ADCY9: variants seen among roughly 807,000 people sequenced by gnomAD.
ADCY9 encodes adenylate cyclase 9.
In ADCY9, 50 loss-of-function variants were observed where a neutral mutation model predicts 101.5. The ratio of observed to expected loss-of-function variants is 0.49; its 90% CI spans 0.39 to 0.62. The LOEUF (loss-of-function observed/expected upper bound fraction) is 0.62, where lower values mean the gene tolerates loss of function less well. Ranked by LOEUF, ADCY9 falls within the 20% of genes least tolerant of loss-of-function variation. The probability of loss-of-function intolerance (pLI) is 0.00; values close to 1 mark genes in which losing one functional copy is unlikely to be tolerated. For missense variants in ADCY9, 1,662 were observed against 1,800.4 expected, an observed-to-expected ratio of 0.92 and a Z score of 1.39; for synonymous variants, 905 against 769.3, an observed-to-expected ratio of 1.18 and a Z score of -2.92.
intron 2 of ADCY9, among the ~76,000 whole-genome samples, chr16:4,105,843 C>G (rs1328039810): frequency 6.6e-6 from 1 of 152,056 alleles, no homozygotes; most frequent in Non-Finnish European, 1.5e-5. Flanking sequence ...AAGACCCTGT[C>G]TCAAAAAGAA....
intron 7 of ADCY9, among the ~76,000 whole-genome samples, chr16:3,980,574 G>A (rs1044537025): frequency 8.5e-5 from 13 of 152,180 alleles, no homozygotes; most frequent in African/African-American, 2.9e-4. Flanking sequence ...CCAGCCTTCG[G>A]GCCTGAACAC....
At chr16:4,029,564 T>A (rs780190561) in intron 2 of ADCY9, among the ~76,000 whole-genome samples, 3 of 152,138 alleles carry the variant, frequency 2.0e-5, no homozygotes, top group South Asian at 2.1e-4. Context: ...CTGGCCAACA[T>A]GGTGAAACCC....
intron 7 of ADCY9, 111 bp from the exon 8 acceptor site, chr16:3,979,386 C>T (rs1252847595): frequency 3.8e-6 from 5 of 1,317,306 alleles, no homozygotes; most frequent in African/African-American, 2.9e-5. Context: ...TCCCGTGTTG[C>T]CCCTGGGATG....
intron 7 of ADCY9, 45 bp downstream of exon 7, chr16:3,983,187 G>A (rs552296826): frequency 1.3e-6 from 2 of 1,498,506 alleles, no homozygotes; most frequent in Admixed American, 2.0e-5. Context: ...CCAGAAGAGG[G>A]AGCTAACGGC....
chr16:3,971,400 G>A (rs1235688709), intron 10 of ADCY9, among the ~76,000 whole-genome samples: 1 of 152,126 alleles, frequency 6.6e-6, no homozygotes, highest in African/African-American at 2.4e-5. Flanking sequence ...GTCCACCTGG[G>A]GCTGGTCTTG....
intron 2 of ADCY9, among the ~76,000 whole-genome samples, chr16:4,019,933 C>A (rs1366928450): frequency 1.3e-5 from 2 of 152,044 alleles, no homozygotes; most frequent in Non-Finnish European, 2.9e-5. Context: ...CAAAAATTAA[C>A]CGGGCGTGGT....
intron 2 of ADCY9, among the ~76,000 whole-genome samples, chr16:4,108,695 T>A (rs1370852117): frequency 1.5e-5 from 2 of 133,316 alleles, no homozygotes; most frequent in Non-Finnish European, 3.1e-5. Flanking sequence ...CTTTAATAAC[T>A]GTCCCTCACA....
chr16:3,963,369 C>CG lies in ADCY9; in HGVS notation c.*2405dup. On this transcript the variant is annotated 3_prime_UTR_variant, in exon 11 of 11. Coordinates refer to ENST00000294016, the MANE Select transcript of ADCY9 (RefSeq NM_001116.4). ...TCGCTGCCAACAGACAAGAGATGCA[C>CG]GGCGTTTCCGCTGCAGAGATTCTGT... 1 of 398,808 alleles carries CG rather than the reference C, an allele frequency of 2.5e-6. No individual in the cohort carries two copies. The highest frequency in any genetic ancestry group is 4.4e-6 in the Non-Finnish European group (1 of 225,988). 24.7% of individuals were successfully genotyped at this position (398,808 alleles called of 1,614,324 possible). A position where few individuals can be genotyped will look rare whatever the true frequency, so the allele number is the denominator to read the frequency against.
At chr16:4,070,702 T>C (rs113392162) in intron 2 of ADCY9, among the ~76,000 whole-genome samples, 1 of 151,998 alleles carries the variant, frequency 6.6e-6, no homozygotes, top group Non-Finnish European at 1.5e-5. Context: ...TCCTATCACT[T>C]TGGGAGGCCG....
rs371680928 is a variant in ADCY9, at chr16:3,966,023, G to T, written c.3814C>A (p.Arg1272=). Residue 1272 remains arginine, a synonymous_variant, in exon 11 of 11, where the codon CGG becomes AGG. Coordinates refer to ENST00000294016, the MANE Select transcript of ADCY9 (RefSeq NM_001116.4). ...TTGGCAATCTCGTCTGTGGGAGACC[G>T]TCCGATGCTGCCATCCACCTGGACG... is the stretch of plus-strand genomic sequence containing the variant. The part of the protein sequence containing the change: ...IRVQVDGSIG[R]SPTDEIANLV... 1.9e-6 allele frequency: 3 copies of T among 1,614,080 alleles called. No homozygotes were observed. Among genetic ancestry groups the T allele is most frequent in the Non-Finnish European group, 2.5e-6 (3 of 1,180,042 alleles).
chr16:4,094,164 T>C (rs1351243101), intron 2 of ADCY9, among the ~76,000 whole-genome samples: 1 of 151,570 alleles, frequency 6.6e-6, no homozygotes, highest in East Asian at 2.1e-4. Flanking sequence ...GAAAAGTCCT[T>C]TGAAATTTCT....
intron 2 of ADCY9, among the ~76,000 whole-genome samples, chr16:4,101,452 T>C (rs925509265): frequency 3.3e-5 from 5 of 152,034 alleles, no homozygotes; most frequent in African/African-American, 1.2e-4. Flanking sequence ...GCTAATTATT[T>C]ATTATTTTTA....
At chr16:4,049,565 C>G (rs13380497) in intron 2 of ADCY9, among the ~76,000 whole-genome samples, 12,452 of 152,164 alleles carry the variant, frequency 0.082, 1,749 homozygotes, top group African/African-American at 0.29. Context: ...GCCGAAACCA[C>G]GTGAAAAGAT....
At chr16:4,043,103 C>T (rs929019270) in intron 2 of ADCY9, among the ~76,000 whole-genome samples, 32 of 152,098 alleles carry the variant, frequency 2.1e-4, no homozygotes, top group African/African-American at 6.5e-4. Flanking sequence ...TGGTGGCGGG[C>T]GACTGAAGTC....
chr16:3,980,427 G>T lies in ADCY9; in HGVS notation c.2520-1152C>A, dbSNP rs116847697. Among the ~76,000 whole-genome samples the T allele has an allele frequency of 9.1e-3, 1,388 of 152,312 alleles. 17 individuals are homozygous for T. The highest frequency in any genetic ancestry group is 0.013 in the Non-Finnish European group (879 of 68,020). ...TGAAGAGAAGGTGTGGGGTCCTCGT[G>T]GGGAGACAGTCCTTCTCTCAAGCTT... On this transcript the variant is annotated intron_variant, in intron 7 of 10. Coordinates refer to ENST00000294016, the MANE Select transcript of ADCY9 (RefSeq NM_001116.4).
chr16:3,992,122 T>C lies in ADCY9; in HGVS notation c.2207+24A>G. 3 of 1,610,338 alleles carry C rather than the reference T, an allele frequency of 1.9e-6. No homozygotes were observed. Among genetic ancestry groups the C allele is most frequent in the Non-Finnish European group, 2.5e-6 (3 of 1,177,272 alleles). On this transcript the variant is annotated intron_variant, in intron 5 of 10. Coordinates refer to ENST00000294016, the MANE Select transcript of ADCY9 (RefSeq NM_001116.4). This position sits in a 1 kb window ranked among gnomAD's most constrained non-coding sequence, Gnocchi z 4.2. ...AGGCTTCTGCCTGCAACCTTTGCTT[T>C]TTCCCAGACAGCCCCAGTCGTACCT...
At chr16:4,069,921 C>A (rs1007585110) in intron 2 of ADCY9, among the ~76,000 whole-genome samples, 7 of 152,062 alleles carry the variant, frequency 4.6e-5, no homozygotes, top group African/African-American at 1.7e-4. Context: ...GATGGTGAAA[C>A]CCTGTCTCTA....
intron 2 of ADCY9, among the ~76,000 whole-genome samples, chr16:4,079,140 AAC>A (rs1433206050): frequency 2.0e-4 from 30 of 152,368 alleles, no homozygotes; most frequent in Non-Finnish European, 2.9e-5. Context: ...CTGGATTATT[AAC>A]AGTTTCATAT....
In ADCY9 at chr16:3,979,201, C is replaced by T. The variant is rs770270080; in HGVS notation, c.2594G>A (p.Arg865His). The change falls in exon 8 of 11, where the codon CGT (arginine) becomes CAT (histidine). Residue 865 changes from arginine (R) to histidine (H), a missense_variant. Physicochemically the swap from Arg to His is conservative, Grantham distance 29. Around this residue, in one of 5 missense-constraint regions of ADCY9, gnomAD observed 624 missense variants for 639.1 expected, o/e 0.98. Coordinates refer to ENST00000294016, the MANE Select transcript of ADCY9 (RefSeq NM_001116.4). The stretch of plus-strand genomic sequence containing the variant: ...CACCAGGATGGCCCCGATGCAGTGA[C>T]GTGGTAGCCAGCCGGCGATCCACTC... ...LLEWIAGWLP[R>H]HCIGAILVSL... 8.1e-6 allele frequency: 13 copies of T among 1,613,886 alleles called. No homozygotes were observed. Among genetic ancestry groups the T allele is most frequent in the South Asian group, 4.4e-5 (4 of 91,082 alleles).
Sources: gnomAD v4.1 joint callset for allele counts (sites outside exome capture counted in the v4.1 genomes callset) on GRCh38, gnomAD v4.1.1 for gene constraint, gnomAD v4.1.1 regional missense constraint, Gnocchi (gnomAD v3.1) non-coding constraint, MANE v1.5 for transcripts, NCBI Gene and HGNC (gene_info 2026-07-23, HGNC 2026-07-21) for gene names.